The following CLNK variants were observed in gnomAD, a reference collection of about 807,000 sequenced individuals.
CLNK encodes the protein cytokine dependent hematopoietic cell linker.
CLNK carries 74 observed loss-of-function variants against 68.6 expected under a neutral mutation model. The ratio of observed to expected loss-of-function variants is 1.08; its 90% CI spans 0.89 to 1.31. CLNK has a LOEUF of 1.31. CLNK is among the 50% of genes most tolerant of loss of function. The pLI is 0.00. For synonymous variants in CLNK, 198 were observed against 172.2 expected (o/e 1.15, Z -1.17); for missense variants, 553 against 515.3 (o/e 1.07, Z -0.71).
chr4:10,526,064 A>G (rs1174580867), intron 13 of CLNK, 142 bp from the exon 14 acceptor site: 13 of 607,336 alleles, frequency 2.1e-5, no homozygotes, highest in South Asian at 1.0e-4. Flanking sequence ...GGTGGAAACT[A>G]TAACTCATGT....
intron 2 of CLNK, among the ~76,000 whole-genome samples, chr4:10,613,382 T>C (rs1722105654): frequency 6.6e-6 from 1 of 152,150 alleles, no homozygotes; most frequent in South Asian, 2.1e-4. Context: ...AAGGCAGGAA[T>C]GTGGCTAAGT....
chr4:10,599,147 T>A (rs1454322801), intron 2 of CLNK, among the ~76,000 whole-genome samples: 1 of 152,248 alleles, frequency 6.6e-6, no homozygotes, highest in Non-Finnish European at 1.5e-5. Flanking sequence ...ACTGTTGAAC[T>A]TCCATCTCCA....
chr4:10,533,352 G>A (rs1355220338), intron 11 of CLNK, among the ~76,000 whole-genome samples: 1 of 152,202 alleles, frequency 6.6e-6, no homozygotes, highest in African/African-American at 2.4e-5. Context: ...AAACTATGAA[G>A]GGAGTGGAGT....
intron 8 of CLNK, 59 bp from the exon 9 acceptor site, chr4:10,542,339 T>G: frequency 1.9e-6 from 2 of 1,069,900 alleles, no homozygotes; most frequent in South Asian, 2.9e-5. Flanking sequence ...GCATTGATTT[T>G]ATACACGCTT....
intron 11 of CLNK, among the ~76,000 whole-genome samples, chr4:10,533,674 A>G (rs570470876): frequency 6.6e-6 from 1 of 152,358 alleles, no homozygotes; most frequent in South Asian, 2.1e-4. Flanking sequence ...AAGTAGAACA[A>G]ACACCCAGAG....
intron 14 of CLNK, among the ~76,000 whole-genome samples, chr4:10,525,155 C>T (rs1040143607): frequency 6.6e-6 from 1 of 152,174 alleles, no homozygotes; most frequent in East Asian, 1.9e-4. Flanking sequence ...AGCTCTGCCT[C>T]CCGGGTTCAC....
At chr4:10,708,847 C>T in the CLNK span, among the ~76,000 whole-genome samples, 2 of 152,150 alleles carry the variant, frequency 1.3e-5, no homozygotes, top group South Asian at 2.1e-4. Context: ...ACAGAAGGAG[C>T]ACGGAATGTA....
intron 2 of CLNK, among the ~76,000 whole-genome samples, chr4:10,601,120 A>G (rs1403013724): frequency 6.6e-6 from 1 of 152,224 alleles, no homozygotes; most frequent in Non-Finnish European, 1.5e-5. Context: ...CATGCTACAG[A>G]TGAGGAAACG....
chr4:10,701,975 A>G, the CLNK span, among the ~76,000 whole-genome samples: 1 of 152,184 alleles, frequency 6.6e-6, no homozygotes. Context: ...CTGAGAAGAC[A>G]TGGCAGGGGT....
the CLNK span, among the ~76,000 whole-genome samples, chr4:10,698,562 A>T: frequency 1.3e-5 from 2 of 152,186 alleles, no homozygotes; most frequent in African/African-American, 4.8e-5. Context: ...TCATGCTCAG[A>T]TCCACCTGTC....
chr4:10,548,319 C>CTGGGTGG (rs1719316387), intron 8 of CLNK, among the ~76,000 whole-genome samples: 1 of 152,146 alleles, frequency 6.6e-6, no homozygotes, highest in Non-Finnish European at 1.5e-5. Context: ...GAAATGTCCA[C>CTGGGTGG]CCAGATCCTT....
At chr4:10,532,922 GT>G (rs1718605183) in intron 11 of CLNK, among the ~76,000 whole-genome samples, 1 of 152,116 alleles carries the variant, frequency 6.6e-6, no homozygotes, top group South Asian at 2.1e-4. Flanking sequence ...GGCAACAAGA[GT>G]GCTCATGAGT....
At chr4:10,711,885 G>C in the CLNK span, among the ~76,000 whole-genome samples, 3 of 152,180 alleles carry the variant, frequency 2.0e-5, no homozygotes, top group African/African-American at 7.2e-5. Context: ...TTGAAGTTGG[G>C]AGAAATTTCA....
At chr4:10,528,574 G>A (rs1431076279) in intron 12 of CLNK, among the ~76,000 whole-genome samples, 1 of 152,086 alleles carries the variant, frequency 6.6e-6, no homozygotes, top group Non-Finnish European at 1.5e-5. Context: ...CTCACTTATT[G>A]GAATATTATA....
chr4:10,513,605 G>A lies in CLNK; in HGVS notation c.773-8C>T, dbSNP rs1333688991. ...GCATGCCTCCTCTATGATCTGGAAA[G>A]GTTAAATTCACATTTCAGTGTGATT... On this transcript the variant is annotated splice_polypyrimidine_tract_variant and splice_region_variant and intron_variant, in intron 15 of 18. Transcript: ENST00000226951. 1 of 1,588,130 alleles carries A rather than the reference G, an allele frequency of 6.3e-7. No individual in the cohort carries two copies. The highest frequency in any genetic ancestry group is 8.6e-7 in the Non-Finnish European group (1 of 1,167,468).
chr4:10,727,877 A>G, the CLNK span, among the ~76,000 whole-genome samples: 1 of 152,226 alleles, frequency 6.6e-6, no homozygotes, highest in Non-Finnish European at 1.5e-5. Flanking sequence ...CTGGGCCCCA[A>G]CCAGTTCTAG....
intron 18 of CLNK, among the ~76,000 whole-genome samples, chr4:10,498,758 A>G (rs188383115): frequency 0.013 from 2,029 of 152,306 alleles, 23 homozygotes; most frequent in South Asian, 0.027. Context: ...CCTCTCCACA[A>G]AATGAAGAAC....
At chr4:10,568,457 A>C (rs1054571136) in intron 5 of CLNK, among the ~76,000 whole-genome samples, 4 of 152,208 alleles carry the variant, frequency 2.6e-5, no homozygotes, top group African/African-American at 9.6e-5. Flanking sequence ...CTGTGAATAT[A>C]CAAAAAAACC....
the CLNK span, among the ~76,000 whole-genome samples, chr4:10,703,887 T>C: frequency 6.6e-6 from 1 of 152,216 alleles, no homozygotes; most frequent in East Asian, 1.9e-4. Context: ...CTGTTGTATA[T>C]GCAGTCTGTT....
Sources: allele counts gnomAD v4.1 joint callset (sites outside exome capture counted in the v4.1 genomes callset), GRCh38; gene constraint gnomAD v4.1.1; transcripts MANE v1.5; gene names NCBI Gene and HGNC (gene_info 2026-07-23, HGNC 2026-07-21).